RTTN: variants seen among roughly 807,000 people sequenced by gnomAD.
RTTN encodes rotatin.
RTTN carries 182 observed loss-of-function variants against 269.2 expected under a neutral mutation model. The ratio of observed to expected loss-of-function variants is 0.68; its 90% confidence interval spans 0.60 to 0.76. The LOEUF is 0.76. Among genes scored for constraint, RTTN ranks in the 30% least tolerant of loss-of-function variants. The pLI is 0.00. For missense variants in RTTN, 2,545 were observed against 2,608.6 expected (o/e 0.98, Z 0.53); for synonymous variants, 1,006 against 963.5 (o/e 1.04, Z -0.82).
chr18:70,059,268 A>G (rs1435545812), intron 36 of RTTN, among the ~76,000 whole-genome samples: 1 of 152,210 alleles, frequency 6.6e-6, no homozygotes, highest in South Asian at 2.1e-4. Context: ...CCTGAATTCA[A>G]TATCTAGTCC....
Position 70,168,849 on chromosome 18 carries a change from TTTTACCTCTTTCCCAATA to T in RTTN, c.1677_1689+5del. On this transcript the variant is annotated splice_donor_variant and splice_donor_5th_base_variant and coding_sequence_variant and intron_variant, in exon 12 of 49. Transcript: ENST00000640769. LOFTEE classifies it high-confidence loss of function. The stretch of plus-strand genomic sequence containing the variant: ...ATTTAAAAGAGATATTAAAAAAGCT[TTTTACCTCTTTCCCAATA>T]TCAGACAGGAAGTTACAGGTGCATT... 1 of 1,593,180 alleles carries T rather than the reference TTTTACCTCTTTCCCAATA, an allele frequency of 6.3e-7. No homozygotes were observed. Among genetic ancestry groups the T allele is most frequent in the Non-Finnish European group, 8.5e-7 (1 of 1,171,004 alleles).
chr18:70,168,995 C>T lies in RTTN; in HGVS notation c.1549G>A (p.Glu517Lys). Residue 517 changes from glutamate (E) to lysine (K), a missense_variant, in exon 12 of 49, where the codon GAA becomes AAA. Physicochemically the swap from Glu to Lys is moderately conservative, Grantham distance 56. Coordinates refer to ENST00000640769, the MANE Select transcript of RTTN (RefSeq NM_173630.4). ...ACAGCTTCATGAATATTTGGATATT[C>T]CAAAGAAATAGGCATGTCCAAAGAA... is the stretch of plus-strand genomic sequence containing the variant. ...LLSLDMPISLEYPNIHEAVVA... is the reference protein window; with the variant it reads ...LLSLDMPISLKYPNIHEAVVA... 1 of 1,612,672 alleles carries T rather than the reference C, an allele frequency of 6.2e-7. No homozygotes were observed. The highest frequency in any genetic ancestry group is 1.1e-5 in the South Asian group (1 of 90,866).
intron 3 of RTTN, among the ~76,000 whole-genome samples, chr18:70,202,550 A>G (rs535757723): frequency 6.6e-6 from 1 of 152,364 alleles, no homozygotes; most frequent in Non-Finnish European, 1.5e-5. Flanking sequence ...ATTTAGCCCT[A>G]AACCATTCCT....
chr18:70,047,207 T>C (rs1296292087), intron 40 of RTTN, among the ~76,000 whole-genome samples: 2 of 152,180 alleles, frequency 1.3e-5, no homozygotes, highest in Admixed American at 6.5e-5. Context: ...AATTCTTCAA[T>C]CAACAATTCT....
intron 34 of RTTN, among the ~76,000 whole-genome samples, chr18:70,069,633 A>G (rs2058242445): frequency 6.6e-6 from 1 of 152,246 alleles, no homozygotes; most frequent in African/African-American, 2.4e-5. Flanking sequence ...TATCTGCCTT[A>G]CAGAAGCAAG....
chr18:70,054,702 C>G (rs901154319), intron 37 of RTTN, among the ~76,000 whole-genome samples: 2 of 152,034 alleles, frequency 1.3e-5, no homozygotes, highest in African/African-American at 2.4e-5. Context: ...GCCTGCAGTC[C>G]CAGCTACTTG....
intron 28 of RTTN, 69 bp from the exon 29 acceptor site, chr18:70,092,873 C>G: frequency 7.3e-7 from 1 of 1,378,076 alleles, no homozygotes. Context: ...AAATATATAA[C>G]TGTCTACTGA....
intron 35 of RTTN, chr18:70,061,303 T>C (rs1238703599): frequency 4.4e-6 from 2 of 455,636 alleles, no homozygotes; most frequent in Non-Finnish European, 8.8e-6. Flanking sequence ...CCTTTGAGCA[T>C]TCCCTTACTT....
Position 70,051,574 on chromosome 18 carries a change from AGTT to A in RTTN, c.5186-29_5186-27del, listed in dbSNP as rs369913744. 56 of 1,533,962 alleles carry A rather than the reference AGTT, an allele frequency of 3.7e-5. No homozygotes were observed. The Middle Eastern group carries it at 1.9e-3, about 53-fold the overall frequency. On this transcript the variant is annotated intron_variant, in intron 38 of 48. Coordinates refer to ENST00000640769, the MANE Select transcript of RTTN (RefSeq NM_173630.4). ...CTATAAAATTAATCAAAACACTTCA[AGTT>A]ATTAACACAAAGAAGGAAAAGAACC...
At chr18:70,171,061 T>C (rs2061130149) in intron 11 of RTTN, among the ~76,000 whole-genome samples, 1 of 152,122 alleles carries the variant, frequency 6.6e-6, no homozygotes, top group African/African-American at 2.4e-5. Context: ...ACATTTATTG[T>C]CACCCAAGTG....
intron 40 of RTTN, among the ~76,000 whole-genome samples, chr18:70,033,648 A>G (rs2057084133): frequency 6.6e-6 from 1 of 152,214 alleles, no homozygotes; most frequent in Non-Finnish European, 1.5e-5. Flanking sequence ...TGCACCTAAC[A>G]TCACAACTAA....
intron 27 of RTTN, among the ~76,000 whole-genome samples, chr18:70,112,752 G>T (rs954399627): frequency 6.6e-6 from 1 of 152,080 alleles, no homozygotes; most frequent in African/African-American, 2.4e-5. Context: ...ATATTAGACA[G>T]ATCAACAAGA....
chr18:70,065,122 A>C (rs11664319), intron 35 of RTTN, among the ~76,000 whole-genome samples: 1 of 151,948 alleles, frequency 6.6e-6, no homozygotes, highest in Non-Finnish European at 1.5e-5. Flanking sequence ...TTAATTCAGC[A>C]AGTTTTTCTA....
chr18:70,081,874 A>C (rs1433364885), intron 32 of RTTN, among the ~76,000 whole-genome samples: 1 of 152,022 alleles, frequency 6.6e-6, no homozygotes, highest in Non-Finnish European at 1.5e-5. Flanking sequence ...ATGTAAGAGG[A>C]TATCCTTATT....
chr18:70,094,596 T>C (rs959340563), intron 28 of RTTN, among the ~76,000 whole-genome samples: 11 of 152,116 alleles, frequency 7.2e-5, no homozygotes, highest in Non-Finnish European at 4.4e-5. Context: ...GTGCGGTTTG[T>C]AGTTAGTTTC....
At chr18:70,205,055 T>A in intron 2 of RTTN, 73 bp downstream of exon 2, 2 of 1,457,714 alleles carry the variant, frequency 1.4e-6, no homozygotes, top group Non-Finnish European at 1.9e-6. Flanking sequence ...TAACTTTCAA[T>A]AAACGCTACA....
chr18:70,067,460 G>A (rs1316394155), intron 34 of RTTN, among the ~76,000 whole-genome samples: 2 of 152,224 alleles, frequency 1.3e-5, no homozygotes, highest in Non-Finnish European at 2.9e-5. Flanking sequence ...CGCCCAGCAA[G>A]CTTGTTTATT....
intron 38 of RTTN, among the ~76,000 whole-genome samples, chr18:70,052,533 C>T (rs1289399134): frequency 2.6e-5 from 4 of 151,186 alleles, no homozygotes; most frequent in Admixed American, 1.3e-4. Flanking sequence ...TAAGAAGAGC[C>T]GAATAAAACA....
chr18:70,086,793 A>G (rs2053557495), intron 31 of RTTN, 109 bp from the exon 32 acceptor site: 2 of 995,240 alleles, frequency 2.0e-6, no homozygotes, highest in Non-Finnish European at 1.5e-6. Flanking sequence ...AATTAATAGC[A>G]AAAGACATCT....
Sources: gnomAD v4.1 joint callset for allele counts (sites outside exome capture counted in the v4.1 genomes callset) on GRCh38, gnomAD v4.1.1 for gene constraint, MANE v1.5 for transcripts, NCBI Gene and HGNC (gene_info 2026-07-23, HGNC 2026-07-21) for gene names.